Variants in LRP5 observed in about 807,000 individuals in gnomAD.
LRP5 encodes the protein LDL receptor related protein 5, also known as low-density lipoprotein receptor-related protein 5.
In LRP5, 62 loss-of-function variants were observed where a neutral mutation model predicts 154.1. That is an observed-to-expected ratio of 0.40 (90% CI 0.33 to 0.50). The LOEUF is 0.50. Among genes scored for constraint, LRP5 ranks in the 20% least tolerant of loss-of-function variants. The pLI is 0.55. For synonymous variants in LRP5, 966 were observed against 1,011.5 expected (o/e 0.96, Z 0.85); for missense variants, 1,915 against 2,336.7 (o/e 0.82, Z 3.72).
intron 18 of LRP5, among the ~76,000 whole-genome samples, chr11:68,435,404 G>A (rs1404340119): frequency 2.0e-5 from 3 of 152,216 alleles, no homozygotes; most frequent in African/African-American, 4.8e-5. Flanking sequence ...TCAGCTTCTA[G>A]TGAGGTCTCA....
In LRP5 at chr11:68,405,269, G is replaced by A. The variant is rs190012788; in HGVS notation, c.1802-1255G>A. 6.2e-3 allele frequency among the ~76,000 whole-genome samples: 946 copies of A among 151,806 alleles called. 9 individuals carry two copies. The highest frequency in any genetic ancestry group is 0.01 in the Non-Finnish European group (695 of 67,926). On this transcript the variant is annotated intron_variant, in intron 8 of 22. Coordinates refer to ENST00000294304, the MANE Select transcript of LRP5 (RefSeq NM_002335.4). ...ATCACTTGAGCCCAGAAATTTGAGAGTGTCTTCCCTGGGCAACATAGAGAG... is the reference window on the plus strand; with the variant it reads ...ATCACTTGAGCCCAGAAATTTGAGAATGTCTTCCCTGGGCAACATAGAGAG...
chr11:68,439,117 C>A (rs2098676690), intron 20 of LRP5, among the ~76,000 whole-genome samples: 1 of 152,172 alleles, frequency 6.6e-6, no homozygotes, highest in African/African-American at 2.4e-5. Flanking sequence ...GTGGCCCAGG[C>A]ACCAGGAACG....
chr11:68,346,329 C>T (rs976376646), intron 1 of LRP5, among the ~76,000 whole-genome samples: 1 of 152,246 alleles, frequency 6.6e-6, no homozygotes, highest in African/African-American at 2.4e-5. Flanking sequence ...CTCAGGTCCT[C>T]TGTGTGTCCT....
chr11:68,436,997 G>A lies in LRP5; in HGVS notation c.4109G>A (p.Cys1370Tyr). The change falls in exon 19 of 23, where the codon TGT becomes TAT. Residue 1370 changes from cysteine to tyrosine, a missense_variant and splice_region_variant. Physicochemically the swap from Cys to Tyr is radical, Grantham distance 194. Coordinates refer to ENST00000294304, the MANE Select transcript of LRP5 (RefSeq NM_002335.4). The part of the protein sequence containing the change: ...DCIDGSDELM[C>Y]EITKPPSDDS... The stretch of plus-strand genomic sequence containing the variant: ...ATCGACGGCTCCGACGAGCTCATGT[G>A]TGGTGAGCCAGCTTCTGGCACGGGG... 1.2e-6 allele frequency: 2 copies of A among 1,612,960 alleles called. No individual in the cohort carries two copies. Among genetic ancestry groups the A allele is most frequent in the Non-Finnish European group, 1.7e-6 (2 of 1,179,518 alleles).
Position 68,338,877 on chromosome 11 carries a change from T to TG in LRP5, c.92-8970_92-8969insG, listed in dbSNP as rs2098607224. Reference sequence around the variant, plus strand: ...TTTTGCTTTTGTTTAGTTTTTTTTTTTTTTTTTTTTTTTTGAGACAGAATC... The same window carrying TG: ...TTTTGCTTTTGTTTAGTTTTTTTTTTGTTTTTTTTTTTTTTGAGACAGAATC... On this transcript the variant is annotated intron_variant, in intron 1 of 22. Transcript: ENST00000294304. Among the ~76,000 whole-genome samples the TG allele has an allele frequency of 3.6e-5, 5 of 138,662 alleles. No homozygotes were observed. In the South Asian group the frequency reaches 1.2e-3, roughly 33 times the overall value. 91.0% of individuals were successfully genotyped at this position (138,662 alleles called of 152,430 possible). A position where few individuals can be genotyped will look rare whatever the true frequency, so the allele number is the denominator to read the frequency against.
chr11:68,407,973 C>T (rs569963804), intron 9 of LRP5, among the ~76,000 whole-genome samples: 22 of 152,182 alleles, frequency 1.4e-4, no homozygotes, highest in Non-Finnish European at 2.9e-4. Context: ...AAACATGTGC[C>T]ATCCGCCCCT....
At chr11:68,389,749 C>G in intron 6 of LRP5, 132 bp from the exon 7 acceptor site, 1 of 874,148 alleles carries the variant, frequency 1.1e-6, no homozygotes, top group Non-Finnish European at 1.9e-6. Context: ...TTTACTGACA[C>G]CAATATTTAC....
the LRP5 span, among the ~76,000 whole-genome samples, chr11:68,302,191 C>A: frequency 1.3e-5 from 2 of 151,302 alleles, no homozygotes; most frequent in Non-Finnish European, 2.9e-5. Flanking sequence ...ACTAGAAATA[C>A]AAAAAATTAG....
In LRP5 at chr11:68,349,027, CTT is replaced by C. The variant is rs368502197; in HGVS notation, c.488+803_488+804del. ...CCCTTGAGATTCCATAGTTATGTTC[CTT>C]TTTTTTTTTTTTTTTTTTAATTGAG... is the stretch of plus-strand genomic sequence containing the variant. On this transcript the variant is annotated intron_variant, in intron 2 of 22. Coordinates refer to ENST00000294304, the MANE Select transcript of LRP5 (RefSeq NM_002335.4). 1.5e-4 allele frequency among the ~76,000 whole-genome samples: 19 copies of C among 123,548 alleles called. 1 individual carries two copies. The highest frequency in any genetic ancestry group is 2.3e-4 in the East Asian group (1 of 4,426). 81.1% of individuals were successfully genotyped at this position (123,548 alleles called of 152,430 possible).
intron 1 of LRP5, among the ~76,000 whole-genome samples, chr11:68,325,713 C>G (rs1435091639): frequency 3.3e-5 from 5 of 152,304 alleles, no homozygotes; most frequent in Admixed American, 2.0e-4. Context: ...TGCAGGCCCC[C>G]CTCACCCGTT....
chr11:68,335,742 A>C (rs1319273554), intron 1 of LRP5, among the ~76,000 whole-genome samples: 2 of 152,222 alleles, frequency 1.3e-5, no homozygotes, highest in African/African-American at 4.8e-5. Context: ...CATTTTATAC[A>C]GCAAAATTGC....
intron 2 of LRP5, among the ~76,000 whole-genome samples, chr11:68,351,396 C>T (rs1034402428): frequency 5.9e-5 from 9 of 152,100 alleles, no homozygotes; most frequent in Admixed American, 3.9e-4. Flanking sequence ...CCAGGAGTCG[C>T]GGGGTTACTG....
At chr11:68,342,799 T>G (rs962555387) in intron 1 of LRP5, among the ~76,000 whole-genome samples, 7 of 152,224 alleles carry the variant, frequency 4.6e-5, no homozygotes, top group Admixed American at 3.9e-4. Context: ...TCTCTGGCCT[T>G]TGAAGAATGC....
Position 68,365,770 on chromosome 11 carries a change from CGGGG to C in LRP5, c.1015+70_1015+73del, listed in dbSNP as rs1325772528. 29 of 1,434,184 alleles carry C rather than the reference CGGGG, an allele frequency of 2.0e-5. 1 individual carries two copies. The Middle Eastern group carries it at 7.5e-4, about 37-fold the overall frequency. 88.8% of individuals were successfully genotyped at this position (1,434,184 alleles called of 1,614,324 possible). On this transcript the variant is annotated intron_variant, in intron 5 of 22. Coordinates refer to ENST00000294304, the MANE Select transcript of LRP5 (RefSeq NM_002335.4). ...CCTGGCGGGAATGGGTTGCGGCCGC[CGGGG>C]GTGCCCCAGAAGGAACCTCGGCAAA...
At chr11:68,432,732 T>C (rs1363611041) in intron 17 of LRP5, among the ~76,000 whole-genome samples, 1 of 150,996 alleles carries the variant, frequency 6.6e-6, no homozygotes, top group African/African-American at 2.4e-5. Flanking sequence ...GAGGGAGGAG[T>C]CCTAGGAAAT....
chr11:68,442,789 T>A (rs1255403165), intron 21 of LRP5, among the ~76,000 whole-genome samples: 1 of 152,242 alleles, frequency 6.6e-6, no homozygotes, highest in Non-Finnish European at 1.5e-5. Flanking sequence ...GCTGAAGAAC[T>A]GAGCATGAAC....
chr11:68,378,594 TC>T (rs2098638694), intron 5 of LRP5, among the ~76,000 whole-genome samples: 1 of 152,106 alleles, frequency 6.6e-6, no homozygotes, highest in Admixed American at 6.5e-5. Flanking sequence ...GGCTTTTTTT[TC>T]CTCTTATAAA....
intron 5 of LRP5, among the ~76,000 whole-genome samples, chr11:68,381,597 A>G (rs2098640283): frequency 6.6e-6 from 1 of 152,142 alleles, no homozygotes; most frequent in African/African-American, 2.4e-5. Context: ...GCCCGCCTGG[A>G]GGAGGCTCGG....
chr11:68,356,996 T>C (rs2098623672), intron 2 of LRP5, among the ~76,000 whole-genome samples: 1 of 150,840 alleles, frequency 6.6e-6, no homozygotes, highest in Non-Finnish European at 1.5e-5. Flanking sequence ...AGTGCAATGG[T>C]GCGATTTCTG....
Sources: gnomAD v4.1 joint callset for allele counts (sites outside exome capture counted in the v4.1 genomes callset) on GRCh38, gnomAD v4.1.1 for gene constraint, MANE v1.5 for transcripts, NCBI Gene and HGNC (gene_info 2026-07-23, HGNC 2026-07-21) for gene names.